Variants in PHLDB2 observed in about 807,000 individuals in gnomAD.
PHLDB2 encodes the protein pleckstrin homology-like domain family B member 2.
In PHLDB2, 71 loss-of-function variants were observed where a neutral mutation model predicts 123.6. That is an observed-to-expected ratio of 0.57 (90% CI 0.47 to 0.70). The LOEUF (loss-of-function observed/expected upper bound fraction) is 0.70, where lower values mean the gene tolerates loss of function less well. Among genes scored for constraint, PHLDB2 ranks in the 30% least tolerant of loss-of-function variants. The probability of loss-of-function intolerance (pLI) is 0.00; values close to 1 mark genes in which losing one functional copy is unlikely to be tolerated. For synonymous variants in PHLDB2, 547 were observed against 541.6 expected, an observed-to-expected ratio of 1.01 and a Z score of -0.14; for missense variants, 1,446 against 1,519.5, an observed-to-expected ratio of 0.95 and a Z score of 0.80.
chr3:111,752,264 G>A (rs948256638), intron 1 of PHLDB2, among the ~76,000 whole-genome samples: 10 of 151,800 alleles, frequency 6.6e-5, no homozygotes, highest in Admixed American at 6.6e-4. Flanking sequence ...GTGTGTGTGT[G>A]TGCATTTTAA....
At chr3:111,916,844 C>G (rs2068209194) in intron 3 of PHLDB2, 1 of 152,100 alleles carries the variant, frequency 6.6e-6, no homozygotes, top group South Asian at 2.1e-4. Flanking sequence ...CTGTGTGGAT[C>G]AAGTTTCCCC....
chr3:111,836,297 C>T (rs756525596), intron 1 of PHLDB2, among the ~76,000 whole-genome samples: 3 of 152,174 alleles, frequency 2.0e-5, no homozygotes, highest in Non-Finnish European at 4.4e-5. Context: ...AAGTCCCCAA[C>T]AGAGCACAGT....
At chr3:111,917,768 T>C (rs762363192) in intron 3 of PHLDB2, 6 of 152,158 alleles carry the variant, frequency 3.9e-5, no homozygotes, top group African/African-American at 7.2e-5. Flanking sequence ...AGAATATAAA[T>C]ATGAATAAAG....
At chr3:111,777,289 ATAGGAGT>A (rs2060283598) in intron 1 of PHLDB2, among the ~76,000 whole-genome samples, 1 of 152,168 alleles carries the variant, frequency 6.6e-6, no homozygotes, top group Non-Finnish European at 1.5e-5. Flanking sequence ...CACAACAGTA[ATAGGAGT>A]TAATTATTAA....
intron 6 of PHLDB2, among the ~76,000 whole-genome samples, chr3:111,934,040 A>G (rs1419927447): frequency 6.6e-6 from 1 of 152,236 alleles, no homozygotes; most frequent in Non-Finnish European, 1.5e-5. Context: ...TATCAGTTAT[A>G]TGTTCCAAAG....
At chr3:111,770,516 G>A (rs1344872563) in intron 1 of PHLDB2, among the ~76,000 whole-genome samples, 1 of 152,124 alleles carries the variant, frequency 6.6e-6, no homozygotes, top group East Asian at 1.9e-4. Context: ...CTAAGTTAGT[G>A]CAACACCTAC....
chr3:111,959,768 T>C (rs2071282191), intron 12 of PHLDB2, among the ~76,000 whole-genome samples: 2 of 152,250 alleles, frequency 1.3e-5, no homozygotes, highest in South Asian at 4.1e-4. Context: ...CCTTGGAAGA[T>C]CTGAGGAGCA....
In PHLDB2 at chr3:111,885,122, T is replaced by C. The variant is rs35404824; in HGVS notation, c.1045T>C (p.Cys349Arg). 11,621 of 1,598,644 alleles carry C rather than the reference T, an allele frequency of 7.3e-3. 52 individuals are homozygous for C. Among genetic ancestry groups the C allele is most frequent in the Non-Finnish European group, 8.2e-3 (9,661 of 1,172,082 alleles). ...GATGCTTCTGGCCTCCACCTCCTCC[T>C]GTGCCTCTGATGACTTTGATCAGGC... ...RKMLLASTSS[C>R]ASDDFDQASY... The change falls in exon 2 of 18, where the codon TGT becomes CGT. Residue 349 changes from cysteine to arginine, a missense_variant. Transcript: ENST00000431670.
At chr3:111,913,974 G>A (rs2068024352) in intron 3 of PHLDB2, 1 of 416,154 alleles carries the variant, frequency 2.4e-6, no homozygotes, top group Admixed American at 4.1e-5. Flanking sequence ...ACACCTGAGT[G>A]ATAAGCAGGT....
chr3:111,872,983 A>G (rs1009332929), intron 1 of PHLDB2, among the ~76,000 whole-genome samples: 5 of 152,192 alleles, frequency 3.3e-5, no homozygotes, highest in African/African-American at 1.2e-4. Flanking sequence ...CAGGACCAAT[A>G]AGCTTGAACT....
At chr3:111,920,968 C>T (rs977019877) in intron 5 of PHLDB2, among the ~76,000 whole-genome samples, 4 of 152,130 alleles carry the variant, frequency 2.6e-5, no homozygotes, top group African/African-American at 9.7e-5. Context: ...AAATTTTCTT[C>T]TTGGGGTAGT....
rs781775943 is a variant in PHLDB2 at position 111,884,238 on chromosome 3, A to G, written c.161A>G (p.Asp54Gly). 1.2e-6 allele frequency: 2 copies of G among 1,614,070 alleles called. No individual in the cohort carries two copies. Among genetic ancestry groups the G allele is most frequent in the Admixed American group, 3.3e-5 (2 of 60,024 alleles). ...SSSLRFKANGDYSGSYLTLSQ... is the reference protein window; with the variant it reads ...SSSLRFKANGGYSGSYLTLSQ... ...AGTCTGAGATTTAAAGCCAATGGAG[A>G]CTATTCTGGCTCCTATTTAACCCTC... Residue 54 changes from aspartate (D) to glycine (G), a missense_variant, in exon 2 of 18, where the codon GAC becomes GGC. Coordinates refer to ENST00000431670, the MANE Select transcript of PHLDB2 (RefSeq NM_001134438.2).
At chr3:111,971,373 TA>T (rs2072168911) in intron 16 of PHLDB2, among the ~76,000 whole-genome samples, 1 of 152,112 alleles carries the variant, frequency 6.6e-6, no homozygotes, top group African/African-American at 2.4e-5. Context: ...GCTTCAAACC[TA>T]AGCTCCAAGC....
intron 1 of PHLDB2, among the ~76,000 whole-genome samples, chr3:111,878,312 C>T (rs1263163729): frequency 2.0e-5 from 3 of 152,168 alleles, no homozygotes; most frequent in East Asian, 1.9e-4. Context: ...CTCTTTGTAG[C>T]AATTGTGAAT....
At chr3:111,792,549 A>C (rs1326413047) in intron 1 of PHLDB2, among the ~76,000 whole-genome samples, 2 of 152,046 alleles carry the variant, frequency 1.3e-5, no homozygotes, top group Non-Finnish European at 2.9e-5. Context: ...CCTACAAAAA[A>C]TTTTAAAATT....
chr3:111,760,831 G>A (rs1370364705), intron 1 of PHLDB2, among the ~76,000 whole-genome samples: 1 of 152,114 alleles, frequency 6.6e-6, no homozygotes, highest in Non-Finnish European at 1.5e-5. Context: ...AATTGTAGGT[G>A]AGAAGTTTGG....
At chr3:111,808,353 T>C (rs1189930293) in intron 1 of PHLDB2, among the ~76,000 whole-genome samples, 1 of 152,156 alleles carries the variant, frequency 6.6e-6, no homozygotes, top group Non-Finnish European at 1.5e-5. Context: ...GTTTGTGCAA[T>C]CAAACATAAG....
intron 14 of PHLDB2, 88 bp from the exon 15 acceptor site, chr3:111,967,590 A>G: frequency 7.4e-7 from 1 of 1,344,298 alleles, no homozygotes; most frequent in Non-Finnish European, 9.8e-7. Context: ...AGATTTGTCT[A>G]GTAAGAATTG....
intron 1 of PHLDB2, among the ~76,000 whole-genome samples, chr3:111,777,139 G>T (rs2060280868): frequency 6.9e-6 from 1 of 145,468 alleles, no homozygotes; most frequent in Non-Finnish European, 1.5e-5. Flanking sequence ...CTTCTACAAA[G>T]AAAGTGATTC....
Sources: allele counts gnomAD v4.1 joint callset (sites outside exome capture counted in the v4.1 genomes callset), GRCh38; gene constraint gnomAD v4.1.1; transcripts MANE v1.5; gene names NCBI Gene and HGNC (gene_info 2026-07-23, HGNC 2026-07-21).